The following ERC2 variants were observed in gnomAD, a reference collection of about 807,000 sequenced individuals.
ERC2 encodes ELKS/RAB6-interacting/CAST family member 2.
In ERC2, 42 loss-of-function variants were observed where a neutral mutation model predicts 114.8. The observed-to-expected ratio is 0.37, with a 90% confidence interval of 0.29 to 0.47. The LOEUF (loss-of-function observed/expected upper bound fraction) is 0.47, where lower values mean the gene tolerates loss of function less well. Among genes scored for constraint, ERC2 ranks in the 20% least tolerant of loss-of-function variants. ERC2 has a pLI of 0.99. For missense variants in ERC2, 939 were observed against 1,150.7 expected (o/e 0.82, Z 2.66); for synonymous variants, 454 against 425.5 (o/e 1.07, Z -0.82).
intron 3 of ERC2, among the ~76,000 whole-genome samples, chr3:56,256,723 A>G (rs1183291667): frequency 3.5e-4 from 53 of 152,156 alleles, no homozygotes; most frequent in Middle Eastern, 3.4e-3. Flanking sequence ...CATGTGGGCA[A>G]TTTCCCCCAT....
intron 3 of ERC2, among the ~76,000 whole-genome samples, chr3:56,222,002 G>T (rs2049946675): frequency 6.6e-6 from 1 of 152,116 alleles, no homozygotes; most frequent in South Asian, 2.1e-4. Flanking sequence ...TAAAAACTGA[G>T]GATACAAGAA....
intron 13 of ERC2, among the ~76,000 whole-genome samples, chr3:55,895,976 G>A (rs915584559): frequency 4.6e-5 from 7 of 152,150 alleles, no homozygotes; most frequent in East Asian, 1.9e-4. Flanking sequence ...CCCAGCAGCC[G>A]CCTGGAGAAC....
intron 2 of ERC2, among the ~76,000 whole-genome samples, chr3:56,341,012 A>C (rs905564850): frequency 6.6e-6 from 1 of 152,218 alleles, no homozygotes; most frequent in African/African-American, 2.4e-5. Context: ...AATTTAGCTC[A>C]CTGAATGGTA....
chr3:56,376,240 C>G (rs769441539), intron 2 of ERC2, among the ~76,000 whole-genome samples: 1 of 152,154 alleles, frequency 6.6e-6, no homozygotes, highest in African/African-American at 2.4e-5. Context: ...TAAACTAATA[C>G]AGATTCCAAT....
At chr3:56,430,082 T>C (rs1437913262) in intron 2 of ERC2, among the ~76,000 whole-genome samples, 1 of 152,234 alleles carries the variant, frequency 6.6e-6, no homozygotes, top group Non-Finnish European at 1.5e-5. Context: ...TACCCTGTAA[T>C]GGACCTGCTT....
At chr3:55,533,598 GA>G (rs2053805501) in intron 17 of ERC2, among the ~76,000 whole-genome samples, 2 of 152,208 alleles carry the variant, frequency 1.3e-5, no homozygotes, top group African/African-American at 4.8e-5. Flanking sequence ...GAGGAGGTGA[GA>G]AAGGAAGGTG....
intron 13 of ERC2, among the ~76,000 whole-genome samples, chr3:55,945,672 G>A (rs2067081545): frequency 6.6e-6 from 1 of 151,814 alleles, no homozygotes; most frequent in Non-Finnish European, 1.5e-5. Flanking sequence ...GTACAGGGTT[G>A]CACAAATTAA....
At chr3:55,987,770 G>T (rs1187889778) in intron 11 of ERC2, among the ~76,000 whole-genome samples, 4 of 152,122 alleles carry the variant, frequency 2.6e-5, no homozygotes, top group East Asian at 3.9e-4. Flanking sequence ...CATCTAAAAT[G>T]ATTTCTCAGT....
intron 2 of ERC2, among the ~76,000 whole-genome samples, chr3:56,381,755 GA>G (rs2059760876): frequency 6.9e-6 from 1 of 144,210 alleles, no homozygotes; most frequent in African/African-American, 2.5e-5. Context: ...GGTGGAAAAA[GA>G]AAAAAAGGGG....
intron 2 of ERC2, among the ~76,000 whole-genome samples, chr3:56,400,688 A>G (rs1039026753): frequency 1.3e-5 from 2 of 152,128 alleles, no homozygotes; most frequent in African/African-American, 4.8e-5. Flanking sequence ...ACCAATTACT[A>G]TTTTCCACCA....
At chr3:56,274,044 C>A (rs1482111784) in intron 3 of ERC2, among the ~76,000 whole-genome samples, 1 of 152,158 alleles carries the variant, frequency 6.6e-6, no homozygotes, top group African/African-American at 2.4e-5. Context: ...GCAGGGGTAT[C>A]CAAACTCCAG....
At chr3:55,749,123 G>A (rs1054244333) in intron 14 of ERC2, among the ~76,000 whole-genome samples, 8 of 152,168 alleles carry the variant, frequency 5.3e-5, no homozygotes, top group African/African-American at 1.9e-4. Flanking sequence ...GGAGGTGGGG[G>A]AAGGAGGCCT....
chr3:56,328,529 A>G (rs1172434801), intron 2 of ERC2, among the ~76,000 whole-genome samples: 4 of 152,226 alleles, frequency 2.6e-5, no homozygotes, highest in African/African-American at 9.6e-5. Flanking sequence ...ACAAACGGGT[A>G]TTTTTAAAAT....
intron 7 of ERC2, among the ~76,000 whole-genome samples, chr3:56,035,616 C>T (rs1209026277): frequency 6.6e-6 from 1 of 152,158 alleles, no homozygotes; most frequent in African/African-American, 2.4e-5. Context: ...GGGAGTTTGG[C>T]CCTTTATGCC....
At chr3:56,110,239 G>C (rs956427362) in intron 6 of ERC2, among the ~76,000 whole-genome samples, 1 of 152,092 alleles carries the variant, frequency 6.6e-6, no homozygotes, top group African/African-American at 2.4e-5. Context: ...TATTATAATA[G>C]GTACACGAGC....
intron 2 of ERC2, among the ~76,000 whole-genome samples, chr3:56,388,146 T>C (rs1012988132): frequency 5.9e-5 from 9 of 152,172 alleles, no homozygotes; most frequent in Non-Finnish European, 1.0e-4. Flanking sequence ...GAGCATACAA[T>C]GGTGATACAG....
intron 17 of ERC2, among the ~76,000 whole-genome samples, chr3:55,512,547 C>T (rs375765445): frequency 4.6e-5 from 7 of 152,280 alleles, no homozygotes; most frequent in African/African-American, 1.7e-4. Context: ...TATTAAAAGG[C>T]CACATGATTA....
At chr3:55,853,245 G>A (rs968578377) in intron 14 of ERC2, among the ~76,000 whole-genome samples, 1 of 152,178 alleles carries the variant, frequency 6.6e-6, no homozygotes, top group African/African-American at 2.4e-5. Context: ...GCACTCAGGA[G>A]GCTGGGTGTG....
At chr3:56,053,953 C>A (rs1277295027) in intron 7 of ERC2, among the ~76,000 whole-genome samples, 1 of 152,136 alleles carries the variant, frequency 6.6e-6, no homozygotes, top group East Asian at 1.9e-4. Context: ...AGACCAGCTG[C>A]AGCTCATGGT....
Sources: allele counts gnomAD v4.1 joint callset (sites outside exome capture counted in the v4.1 genomes callset), GRCh38; gene constraint gnomAD v4.1.1; transcripts MANE v1.5; gene names NCBI Gene and HGNC (gene_info 2026-07-23, HGNC 2026-07-21).